Variants in PCDHGB2 observed in about 807,000 individuals in gnomAD.
PCDHGB2 encodes the protein protocadherin gamma subfamily B, 2.
A neutral mutation model predicts 59.3 loss-of-function variants in PCDHGB2; 55 were observed. The ratio of observed to expected loss-of-function variants is 0.93; its 90% CI spans 0.75 to 1.16. The LOEUF (loss-of-function observed/expected upper bound fraction) is 1.16. Among genes scored for constraint, PCDHGB2 ranks in the 50% most tolerant of loss-of-function variants. The probability of loss-of-function intolerance (pLI) is 0.00; values close to 1 mark genes in which losing one functional copy is unlikely to be tolerated. For missense variants in PCDHGB2, 1,228 were observed against 1,198.5 expected, an observed-to-expected ratio of 1.02 and a Z score of -0.36; for synonymous variants, 516 against 512.0, an observed-to-expected ratio of 1.01 and a Z score of -0.11.
chr5:141,394,066 A>T (rs1589216611), intron 1 of PCDHGB2: 1 of 1,613,738 alleles, frequency 6.2e-7, no homozygotes, highest in Admixed American at 1.7e-5. Context: ...GTCTCTATCT[A>T]CAATATCACA....
In PCDHGB2 at chr5:141,435,253, G is replaced by A. The variant is rs2097754974; in HGVS notation, c.2422-59554G>A. Among the ~76,000 whole-genome samples the A allele has an allele frequency of 1.3e-5, 2 of 152,064 alleles. 1 individual carries two copies. The highest frequency in any genetic ancestry group is 3.9e-4 in the East Asian group (2 of 5,184). On this transcript the variant is annotated intron_variant, in intron 1 of 3. Transcript: ENST00000522605. ...TTCAGTAATTCTTTCTGGCCATTAG[G>A]GATATGTCCATTTATACTTTCTCAG...
At chr5:141,372,359 A>T in intron 1 of PCDHGB2, 1 of 1,613,954 alleles carries the variant, frequency 6.2e-7, no homozygotes, top group Non-Finnish European at 8.5e-7. Flanking sequence ...AGCCTCTTTC[A>T]GCCACCGTCA....
intron 1 of PCDHGB2, chr5:141,428,021 C>T: frequency 1.2e-6 from 2 of 1,605,604 alleles, no homozygotes; most frequent in Non-Finnish European, 1.7e-6. Context: ...TGCCACGCGC[C>T]GCAGAGTCCG....
chr5:141,460,924 A>ATATATG (rs1561985817), intron 1 of PCDHGB2, among the ~76,000 whole-genome samples: 1 of 150,496 alleles, frequency 6.6e-6, no homozygotes, highest in African/African-American at 2.4e-5. Flanking sequence ...ATATATATAT[A>ATATATG]TGTGTGTGTG....
chr5:141,399,026 A>C (rs1448827116), intron 1 of PCDHGB2: 1 of 1,613,886 alleles, frequency 6.2e-7, no homozygotes, highest in East Asian at 2.2e-5. Flanking sequence ...ATTACCACTC[A>C]AAAGAAACTG....
Position 141,432,220 on chromosome 5 carries a change from C to T in PCDHGB2, c.2422-62587C>T. The T allele has an allele frequency of 6.2e-7, 1 of 1,614,246 alleles. No homozygotes were observed. Among genetic ancestry groups the T allele is most frequent in the Non-Finnish European group, 8.5e-7 (1 of 1,180,040 alleles). Reference sequence around the variant, plus strand: ...CCGACTGTGAAGAGAACGCCCAGATCACTTATTCCCTGGCTGAGAACACCA... The same window carrying T: ...CCGACTGTGAAGAGAACGCCCAGATTACTTATTCCCTGGCTGAGAACACCA... On this transcript the variant is annotated intron_variant, in intron 1 of 3. Coordinates refer to ENST00000522605, the MANE Select transcript of PCDHGB2 (RefSeq NM_018923.3). The surrounding 1 kb of genome is among the most constrained non-coding windows in gnomAD (Gnocchi z 6.0).
At chr5:141,482,530 C>CAAAAAAAAAAAAAAA (rs3074545) in intron 1 of PCDHGB2, among the ~76,000 whole-genome samples, 1 of 76,562 alleles carries the variant, frequency 1.3e-5, no homozygotes, top group African/African-American at 4.8e-5. Flanking sequence ...GACAGACATG[C>CAAAAAAAAAAAAAAA]AAAAAAAAAA....
rs148589854 is a variant in PCDHGB2, at chr5:141,393,112, C to T, written c.2421+30556C>T. ...CGGGAGGAGCTCTGCGCTCAGAGCC[C>T]GCGGTGTCTGATAAATATTAACACC... On this transcript the variant is annotated intron_variant, in intron 1 of 3. Transcript: ENST00000522605. 5.0e-3 allele frequency: 7,989 copies of T among 1,613,452 alleles called. 48 individuals carry two copies. The highest frequency in any genetic ancestry group is 9.4e-3 in the Admixed American group (566 of 60,028).
chr5:141,486,019 T>C lies in PCDHGB2; in HGVS notation c.2422-8788T>C, dbSNP rs2078071. 3.2e-3 allele frequency: 5,143 copies of C among 1,613,986 alleles called. 141 individuals carry two copies. In the South Asian group the frequency reaches 0.046, roughly 14 times the overall value. ...GTGGTAACGTCACCTTTTATTTCAG[T>C]GGTCATACCCCTGATCGTGTAAGAA... On this transcript the variant is annotated intron_variant, in intron 1 of 3. Transcript: ENST00000522605. The surrounding 1 kb of genome is among the most constrained non-coding windows in gnomAD (Gnocchi z 5.0).
At chr5:141,365,656 A>C in intron 1 of PCDHGB2, 2 of 1,613,518 alleles carry the variant, frequency 1.2e-6, no homozygotes. Flanking sequence ...CCTTGAAAGT[A>C]GCAGACGTTA....
At position 141,489,257 on chromosome 5, in the gene PCDHGB2, T is replaced by TC. The variant is rs773157586; in HGVS notation, c.2422-5547dup. The stretch of plus-strand genomic sequence containing the variant: ...TTCTGGGTCATGGGGCCCAAGACAC[T>TC]CCCACAGCTCGCTGGGAAATGGCAA... On this transcript the variant is annotated intron_variant, in intron 1 of 3. Coordinates refer to ENST00000522605, the MANE Select transcript of PCDHGB2 (RefSeq NM_018923.3). The surrounding 1 kb of genome is among the most constrained non-coding windows in gnomAD (Gnocchi z 4.5). 1 of 1,550,308 alleles carries TC rather than the reference T, an allele frequency of 6.5e-7. No homozygotes were observed. Among genetic ancestry groups the TC allele is most frequent in the Non-Finnish European group, 8.7e-7 (1 of 1,148,342 alleles).
intron 2 of PCDHGB2, among the ~76,000 whole-genome samples, chr5:141,498,039 A>G (rs2099781185): frequency 6.6e-6 from 1 of 152,264 alleles, no homozygotes; most frequent in Non-Finnish European, 1.5e-5. Flanking sequence ...CCAAATAATT[A>G]CAAAAATAAA....
At chr5:141,418,667 G>A (rs1561775322) in intron 1 of PCDHGB2, 1 of 1,614,036 alleles carries the variant, frequency 6.2e-7, no homozygotes, top group Admixed American at 1.7e-5. Flanking sequence ...CACTGACCAG[G>A]ACGAGGGCAT....
intron 1 of PCDHGB2, chr5:141,415,634 C>T: frequency 6.3e-7 from 1 of 1,589,948 alleles, no homozygotes; most frequent in East Asian, 2.3e-5. Flanking sequence ...TTCATTTTTA[C>T]TTTTGTTAAA....
At position 141,360,175 on chromosome 5, in the gene PCDHGB2, C is replaced by T. The variant is rs1761457056; in HGVS notation, c.40C>T (p.Leu14=). ...SSGRCGLVRW[L]QVLLPFLLSL... ...AGGGAGGTGCGGGCTGGTGCGGTGGCTGCAGGTACTGTTGCCCTTCCTGTT... is the reference window on the plus strand; with the variant it reads ...AGGGAGGTGCGGGCTGGTGCGGTGGTTGCAGGTACTGTTGCCCTTCCTGTT... Residue 14 remains leucine, a synonymous_variant, in exon 1 of 4, where the codon CTG becomes TTG. Coordinates refer to ENST00000522605, the MANE Select transcript of PCDHGB2 (RefSeq NM_018923.3). 6.2e-7 allele frequency: 1 copy of T among 1,609,628 alleles called. No individual in the cohort carries two copies. The highest frequency in any genetic ancestry group is 8.5e-7 in the Non-Finnish European group (1 of 1,177,826).
chr5:141,386,917 T>C (rs535277219), intron 1 of PCDHGB2, among the ~76,000 whole-genome samples: 1 of 152,302 alleles, frequency 6.6e-6, no homozygotes, highest in Non-Finnish European at 1.5e-5. Flanking sequence ...CCAAGGAATG[T>C]AAAATAAGTG....
intron 1 of PCDHGB2, chr5:141,398,169 G>T (rs2093619628): frequency 5.4e-6 from 8 of 1,477,440 alleles, no homozygotes; most frequent in Admixed American, 2.6e-5. Flanking sequence ...CTGAGAGGCT[G>T]CCAGTGCTCT....
intron 1 of PCDHGB2, chr5:141,376,734 C>T (rs1773305109): frequency 5.7e-6 from 3 of 526,518 alleles, no homozygotes; most frequent in South Asian, 4.6e-5. Context: ...GGCCGGACTG[C>T]GGACTGCAGT....
At chr5:141,420,474 C>T in intron 1 of PCDHGB2, 1 of 677,328 alleles carries the variant, frequency 1.5e-6, no homozygotes, top group Non-Finnish European at 2.1e-6. Context: ...CATTTTAAAG[C>T]AAACTACATG....
Sources: gnomAD v4.1 joint callset for allele counts (sites outside exome capture counted in the v4.1 genomes callset) on GRCh38, gnomAD v4.1.1 for gene constraint, Gnocchi (gnomAD v3.1) non-coding constraint, MANE v1.5 for transcripts, NCBI Gene and HGNC (gene_info 2026-07-23, HGNC 2026-07-21) for gene names.